POLK: variants seen among roughly 807,000 people sequenced by gnomAD.
POLK encodes DNA polymerase kappa, also known as polymerase (DNA directed) kappa.
A neutral mutation model predicts 94.0 loss-of-function variants in POLK; 76 were observed. The observed-to-expected ratio is 0.81, with a 90% CI of 0.67 to 0.98. POLK has a LOEUF of 0.98. POLK is among the 50% of genes least tolerant of loss of function. The pLI is 0.00. For missense variants in POLK, 954 were observed against 1,010.1 expected (o/e 0.94, Z 0.75); for synonymous variants, 349 against 325.4 (o/e 1.07, Z -0.78).
intron 6 of POLK, among the ~76,000 whole-genome samples, chr5:75,577,271 G>A (rs2112800368): frequency 6.6e-6 from 1 of 152,240 alleles, no homozygotes; most frequent in South Asian, 2.1e-4. Context: ...TCTGTTTAAA[G>A]CGGCCTTTTC....
chr5:75,593,341 A>G (rs1772889415), intron 11 of POLK, among the ~76,000 whole-genome samples: 1 of 152,068 alleles, frequency 6.6e-6, no homozygotes, highest in Admixed American at 6.6e-5. Flanking sequence ...CATGTTGGCC[A>G]GGCTGGTCTT....
At chr5:75,511,720 G>C (rs1210135974), upstream of POLK, 8 of 1,545,674 alleles carry the variant, frequency 5.2e-6, no homozygotes, top group East Asian at 1.5e-4. Context: ...CGTCTGACGC[G>C]ACACGCCGAG....
intron 1 of POLK, among the ~76,000 whole-genome samples, chr5:75,538,077 C>T (rs906029644): frequency 2.0e-5 from 3 of 151,972 alleles, no homozygotes; most frequent in Non-Finnish European, 4.4e-5. Context: ...AGGATGGTCT[C>T]GATCTCCTGA....
intron 1 of POLK, chr5:75,538,608 T>G (rs1769574745): frequency 6.6e-6 from 1 of 152,212 alleles, no homozygotes; most frequent in South Asian, 2.1e-4. Context: ...GGGAGCTTTC[T>G]GGTGAAGACC....
chr5:75,532,151 T>C (rs1218082172), intron 1 of POLK, among the ~76,000 whole-genome samples: 1 of 152,208 alleles, frequency 6.6e-6, no homozygotes, highest in Non-Finnish European at 1.5e-5. Context: ...ATAGGTAAAT[T>C]GCATGCCATG....
At position 75,594,956 on chromosome 5, in the gene POLK, A is replaced by G. The variant is rs117958865; in HGVS notation, c.1528+907A>G. 4.7e-4 allele frequency among the ~76,000 whole-genome samples: 72 copies of G among 152,314 alleles called. No homozygotes were observed. In the East Asian group the frequency reaches 0.013, roughly 29 times the overall value. On this transcript the variant is annotated intron_variant, in intron 12 of 14. Transcript: ENST00000241436. ...CTGAAATCAACTGAATAAAGTGTTA[A>G]TTGAAAGAGCCAGGCTGGGCGCGGT...
At chr5:75,599,355 C>T (rs1045933258) in exon 15 of POLK, 9 of 151,966 alleles carry the variant, frequency 5.9e-5, no homozygotes, top group African/African-American at 1.7e-4. Context: ...TCTCCCCTTG[C>T]GTTTCATATT....
chr5:75,594,774 T>C (rs1255594380), intron 12 of POLK, among the ~76,000 whole-genome samples: 1 of 152,216 alleles, frequency 6.6e-6, no homozygotes, highest in Non-Finnish European at 1.5e-5. Flanking sequence ...CATTGTGAAA[T>C]CACATCTCCA....
At chr5:75,544,156 G>T (rs1769888981) in intron 1 of POLK, among the ~76,000 whole-genome samples, 1 of 152,064 alleles carries the variant, frequency 6.6e-6, no homozygotes, top group African/African-American at 2.4e-5. Context: ...GAGTTTTTTG[G>T]CTAAGCAATT....
At chr5:75,557,718 G>T (rs1420324332) in intron 3 of POLK, among the ~76,000 whole-genome samples, 1 of 152,098 alleles carries the variant, frequency 6.6e-6, no homozygotes, top group African/African-American at 2.4e-5. Flanking sequence ...TGTTGATCTT[G>T]TACATATTTT....
chr5:75,596,807 A>C lies in POLK; in HGVS notation c.2114A>C (p.Asp705Ala), dbSNP rs918775209. Residue 705 changes from aspartate to alanine, a missense_variant, in exon 13 of 15, where the codon GAT (aspartate) becomes GCT (alanine). Transcript: ENST00000241436. ...TCAGTAGATTGTATAGCTTTAGTAG[A>C]TACTATAGATAACTCATCTAAAGCA... 31 of 1,610,098 alleles carry C rather than the reference A, an allele frequency of 1.9e-5. No homozygotes were observed. The highest frequency in any genetic ancestry group is 2.4e-5 in the Non-Finnish European group (28 of 1,177,076).
intron 4 of POLK, among the ~76,000 whole-genome samples, chr5:75,572,185 C>T (rs1271700893): frequency 6.6e-6 from 1 of 152,212 alleles, no homozygotes. Flanking sequence ...TTCACATAGA[C>T]TTTCATCAGA....
chr5:75,581,508 T>A (rs1772192078), intron 7 of POLK, 60 bp downstream of exon 7: 1 of 1,388,830 alleles, frequency 7.2e-7, no homozygotes, highest in African/African-American at 1.4e-5. Context: ...CTAATTTAAG[T>A]GTAATATTAG....
At chr5:75,588,388 T>G (rs1772583292) in intron 10 of POLK, among the ~76,000 whole-genome samples, 1 of 152,110 alleles carries the variant, frequency 6.6e-6, no homozygotes, top group Admixed American at 6.5e-5. Context: ...ATGAACAAAG[T>G]TCTAAATAAT....
chr5:75,560,494 A>G (rs779894760), intron 3 of POLK, among the ~76,000 whole-genome samples: 4 of 152,106 alleles, frequency 2.6e-5, no homozygotes, highest in Non-Finnish European at 5.9e-5. Flanking sequence ...CAAAGCCGTT[A>G]TTCTATTTTT....
At chr5:75,584,645 TG>T (rs1306992098) in intron 8 of POLK, 114 bp from the exon 9 acceptor site, 1 of 623,566 alleles carries the variant, frequency 1.6e-6, no homozygotes, top group African/African-American at 1.9e-5. Context: ...TACTCCAGCT[TG>T]GGCAACAAGA....
chr5:75,607,583 G>A, the POLK span, among the ~76,000 whole-genome samples: 3 of 151,898 alleles, frequency 2.0e-5, no homozygotes, highest in Non-Finnish European at 4.4e-5. Context: ...CCATCCTGCT[G>A]CCTGGAAGCA....
At chr5:75,518,837 A>G (rs970297065) in intron 1 of POLK, among the ~76,000 whole-genome samples, 3 of 152,146 alleles carry the variant, frequency 2.0e-5, no homozygotes, top group African/African-American at 4.8e-5. Context: ...TTGATTCAGA[A>G]TATTTTTAAA....
intron 1 of POLK, among the ~76,000 whole-genome samples, chr5:75,514,875 A>C (rs1580894669): frequency 6.6e-6 from 1 of 152,274 alleles, no homozygotes; most frequent in Non-Finnish European, 1.5e-5. Flanking sequence ...AAAAAAAAAA[A>C]AATTCCAAAA....
Sources: gnomAD v4.1 joint callset for allele counts (sites outside exome capture counted in the v4.1 genomes callset) on GRCh38, gnomAD v4.1.1 for gene constraint, MANE v1.5 for transcripts, NCBI Gene and HGNC (gene_info 2026-07-23, HGNC 2026-07-21) for gene names.